BBX: variants seen among roughly 807,000 people sequenced by gnomAD.
BBX encodes the protein BBX high mobility group box domain containing.
Under a neutral mutation model 100.2 loss-of-function variants are expected in BBX, and 30 were observed. The observed-to-expected ratio is 0.30, with a 90% confidence interval of 0.22 to 0.41. BBX has a LOEUF of 0.41. Among genes scored for constraint, BBX ranks in the 10% least tolerant of loss-of-function variants. The probability of loss-of-function intolerance (pLI) is 1.00; values close to 1 mark genes in which losing one functional copy is unlikely to be tolerated. For missense variants in BBX, 1,023 were observed against 1,129.8 expected, an observed-to-expected ratio of 0.91 and a Z score of 1.35; for synonymous variants, 376 against 388.1, an observed-to-expected ratio of 0.97 and a Z score of 0.37.
chr3:107,526,217 TG>T, intron 1 of BBX, 109 bp from the exon 2 acceptor site: 1 of 397,662 alleles, frequency 2.5e-6, no homozygotes, highest in Non-Finnish European at 4.4e-6. Context: ...TAGTGGGAGC[TG>T]GACTCCTGGG....
At chr3:107,692,019 C>T (rs1228282132) in intron 3 of BBX, among the ~76,000 whole-genome samples, 4 of 152,098 alleles carry the variant, frequency 2.6e-5, no homozygotes, top group African/African-American at 9.7e-5. Flanking sequence ...TATTCACCAT[C>T]TTTCTTACAG....
At chr3:107,757,148 T>A (rs554277338) in intron 10 of BBX, among the ~76,000 whole-genome samples, 3 of 152,218 alleles carry the variant, frequency 2.0e-5, no homozygotes, top group Admixed American at 2.0e-4. Context: ...TATTAAACAA[T>A]ACTAAAATGT....
intron 2 of BBX, among the ~76,000 whole-genome samples, chr3:107,619,041 A>C (rs2055527904): frequency 6.6e-6 from 1 of 151,878 alleles, no homozygotes; most frequent in Admixed American, 6.6e-5. Context: ...CGGTTCTATA[A>C]GTTTTTACTC....
At chr3:107,728,352 C>A (rs1311604265) in intron 5 of BBX, among the ~76,000 whole-genome samples, 1 of 152,114 alleles carries the variant, frequency 6.6e-6, no homozygotes, top group Non-Finnish European at 1.5e-5. Context: ...TTTATGGAAT[C>A]TAAGGTTGAG....
intron 12 of BBX, among the ~76,000 whole-genome samples, chr3:107,776,524 A>G (rs1055121267): frequency 1.3e-5 from 2 of 152,138 alleles, no homozygotes; most frequent in African/African-American, 4.8e-5. Context: ...TGCCTTGTTT[A>G]GAACACGCCA....
In BBX at chr3:107,778,538, C is replaced by G; in HGVS notation, c.2203+19C>G. 1 of 1,609,178 alleles carries G rather than the reference C, an allele frequency of 6.2e-7. No individual in the cohort carries two copies. ...AGCAAAGGTTAGGTGTGACCTGTAC[C>G]TTCCTGCCATGTGGTCAGAATCTCA... On this transcript the variant is annotated intron_variant, in intron 13 of 17. Coordinates refer to ENST00000325805, the MANE Select transcript of BBX (RefSeq NM_001142568.3).
At chr3:107,802,197 C>G (rs2070570288) in intron 17 of BBX, among the ~76,000 whole-genome samples, 2 of 152,228 alleles carry the variant, frequency 1.3e-5, no homozygotes, top group African/African-American at 2.4e-5. Flanking sequence ...CAAAAGAGCT[C>G]TCAACCCAGT....
intron 5 of BBX, among the ~76,000 whole-genome samples, chr3:107,728,439 A>G (rs1421585066): frequency 6.6e-6 from 1 of 152,190 alleles, no homozygotes; most frequent in African/African-American, 2.4e-5. Context: ...TTCTGTCTCC[A>G]GAGCCCTAGG....
intron 3 of BBX, among the ~76,000 whole-genome samples, chr3:107,697,198 C>T (rs1469830894): frequency 6.6e-5 from 10 of 151,854 alleles, no homozygotes; most frequent in Admixed American, 1.3e-4. Flanking sequence ...TCTCTCAGCT[C>T]GTCAAAGTCA....
At chr3:107,638,824 CACACACACAG>C (rs1559904462) in intron 2 of BBX, among the ~76,000 whole-genome samples, 41 of 120,678 alleles carry the variant, frequency 3.4e-4, no homozygotes, top group South Asian at 2.7e-4. Flanking sequence ...CACACACACA[CACACACACAG>C]ACAAATTAGC....
chr3:107,764,159 A>C (rs2066168159), intron 10 of BBX, among the ~76,000 whole-genome samples: 1 of 151,976 alleles, frequency 6.6e-6, no homozygotes, highest in Admixed American at 6.6e-5. Flanking sequence ...TGCCCAGCTA[A>C]TTTTGTGTTT....
intron 5 of BBX, among the ~76,000 whole-genome samples, chr3:107,720,260 A>G (rs985859806): frequency 6.6e-6 from 1 of 151,990 alleles, no homozygotes; most frequent in Non-Finnish European, 1.5e-5. Context: ...ACGTATAGCA[A>G]CCTACCCACT....
At chr3:107,637,993 A>C (rs1357153960) in intron 2 of BBX, among the ~76,000 whole-genome samples, 2 of 152,090 alleles carry the variant, frequency 1.3e-5, no homozygotes, top group African/African-American at 4.8e-5. Flanking sequence ...GGCTCCCGGC[A>C]GCCTTGAACT....
chr3:107,789,883 G>C lies in BBX; in HGVS notation c.2293+7G>C, dbSNP rs1231750109. 1.9e-6 allele frequency: 3 copies of C among 1,540,970 alleles called. No homozygotes were observed. The East Asian group carries it at 7.3e-5, about 38-fold the overall frequency. On this transcript the variant is annotated splice_region_variant and intron_variant, in intron 14 of 17. Transcript: ENST00000325805. ...CCCAATGTTCCGGAAAAAGGTATTG[G>C]TGCCCTCCATCCTCCATGAAGGGTT...
chr3:107,580,273 T>C (rs1333669255), intron 2 of BBX, among the ~76,000 whole-genome samples: 2 of 152,000 alleles, frequency 1.3e-5, no homozygotes, highest in African/African-American at 4.8e-5. Flanking sequence ...GGAGTTTATG[T>C]TGGCTATTTG....
rs757917284 is a variant in BBX, at chr3:107,710,527, C to T, written c.67C>T (p.Arg23Ter). The T allele has an allele frequency of 2.7e-5, 44 of 1,613,214 alleles. No homozygotes were observed. Among genetic ancestry groups the T allele is most frequent in the East Asian group, 2.2e-5 (1 of 44,824 alleles). The change falls in exon 4 of 18, where the codon CGA becomes TGA. Residue 23 changes from arginine to a stop codon, truncating the protein, a stop_gained. Transcript: ENST00000325805. LOFTEE classifies it high-confidence loss of function. ...EGEGVGKRPK[R>*]KCLQWHPLLA... ...AGAAGGGGTTGGAAAACGACCAAAA[C>T]GAAAGTGTCTTCAGTGGCATCCATT...
chr3:107,586,987 G>A (rs1269619366), intron 2 of BBX, among the ~76,000 whole-genome samples: 1 of 152,016 alleles, frequency 6.6e-6, no homozygotes, highest in African/African-American at 2.4e-5. Context: ...CTGACCTCAG[G>A]TGATCCATCT....
chr3:107,793,109 GT>G (rs2069226895), intron 15 of BBX, among the ~76,000 whole-genome samples: 1 of 152,140 alleles, frequency 6.6e-6, no homozygotes, highest in Admixed American at 6.5e-5. Flanking sequence ...ATGAGATGTA[GT>G]AGTACACAGA....
intron 2 of BBX, among the ~76,000 whole-genome samples, chr3:107,572,283 C>G (rs938622759): frequency 6.6e-6 from 1 of 152,124 alleles, no homozygotes; most frequent in Admixed American, 6.5e-5. Flanking sequence ...GAATTCCCAG[C>G]GAAAGACTTT....
Sources: allele counts gnomAD v4.1 joint callset (sites outside exome capture counted in the v4.1 genomes callset), GRCh38; gene constraint gnomAD v4.1.1; transcripts MANE v1.5; gene names NCBI Gene and HGNC (gene_info 2026-07-23, HGNC 2026-07-21).